SHANK2: variants seen among roughly 807,000 people sequenced by gnomAD.
SHANK2 encodes the protein SH3 and multiple ankyrin repeat domains 2, also known as SH3 and multiple ankyrin repeat domains protein 2.
Under a neutral mutation model 133.7 loss-of-function variants are expected in SHANK2, and 43 were observed. The ratio of observed to expected loss-of-function variants is 0.32; its 90% CI spans 0.25 to 0.41. The LOEUF (loss-of-function observed/expected upper bound fraction) is 0.41. Among genes scored for constraint, SHANK2 ranks in the 10% least tolerant of loss-of-function variants. SHANK2 has a pLI of 1.00. For missense variants in SHANK2, 1,994 were observed against 2,235.8 expected (o/e 0.89, Z 2.18); for synonymous variants, 1,017 against 952.8 (o/e 1.07, Z -1.24).
At chr11:70,665,292 C>G (rs557986997) in intron 15 of SHANK2, among the ~76,000 whole-genome samples, 1 of 152,144 alleles carries the variant, frequency 6.6e-6, no homozygotes, top group Non-Finnish European at 1.5e-5. Context: ...AGGCACACAC[C>G]ACCATGCCCA....
intron 10 of SHANK2, among the ~76,000 whole-genome samples, chr11:70,899,992 G>A (rs1427294845): frequency 1.3e-5 from 2 of 152,240 alleles, no homozygotes; most frequent in Non-Finnish European, 2.9e-5. Flanking sequence ...GGTTTGGTGT[G>A]TGGATTTATT....
intron 11 of SHANK2, among the ~76,000 whole-genome samples, chr11:70,888,835 A>G (rs1274927917): frequency 2.0e-5 from 2 of 101,130 alleles, no homozygotes; most frequent in Non-Finnish European, 3.7e-5. Flanking sequence ...AGAAAAAAAA[A>G]AGAGAGAAAG....
chr11:71,151,507 C>T (rs78177676), intron 2 of SHANK2, among the ~76,000 whole-genome samples: 1,759 of 152,288 alleles, frequency 0.012, 28 homozygotes, highest in African/African-American at 0.04. Flanking sequence ...CGTTTTTATT[C>T]TTCGTCCTCA....
chr11:71,126,477 T>C (rs1952190490), intron 3 of SHANK2, among the ~76,000 whole-genome samples: 1 of 152,210 alleles, frequency 6.6e-6, no homozygotes, highest in Admixed American at 6.5e-5. Context: ...GCATACACAA[T>C]ATCCATTTTG....
chr11:71,065,119 G>A (rs1486738267), intron 9 of SHANK2, among the ~76,000 whole-genome samples: 2 of 152,296 alleles, frequency 1.3e-5, no homozygotes, highest in East Asian at 1.9e-4. Flanking sequence ...GGGTGTGACT[G>A]GGTTTGAGCA....
chr11:70,691,185 C>G (rs1185179880), intron 15 of SHANK2, among the ~76,000 whole-genome samples: 1 of 152,002 alleles, frequency 6.6e-6, no homozygotes. Context: ...CTGGGGCAGC[C>G]GGACTGTGGG....
intron 10 of SHANK2, among the ~76,000 whole-genome samples, chr11:70,903,650 G>A (rs528487960): frequency 8.0e-4 from 122 of 152,254 alleles, no homozygotes; most frequent in African/African-American, 2.8e-3. Flanking sequence ...GGGGCTCGAG[G>A]TTGGTTCAGA....
chr11:71,149,619 G>C (rs548815002), intron 2 of SHANK2, among the ~76,000 whole-genome samples: 1 of 151,584 alleles, frequency 6.6e-6, no homozygotes, highest in South Asian at 2.1e-4. Flanking sequence ...GAGGGTAGTA[G>C]GAAAAGAAAT....
intron 2 of SHANK2, among the ~76,000 whole-genome samples, chr11:71,203,454 G>A (rs1465120411): frequency 6.6e-6 from 1 of 152,150 alleles, no homozygotes; most frequent in Non-Finnish European, 1.5e-5. Context: ...GGTTAACTCA[G>A]CAGGCCTGGG....
chr11:70,870,748 A>G (rs535834355), intron 11 of SHANK2, among the ~76,000 whole-genome samples: 1 of 152,342 alleles, frequency 6.6e-6, no homozygotes, highest in African/African-American at 2.4e-5. Flanking sequence ...CTCCGAGTGC[A>G]TGGCTGTGGC....
At chr11:70,654,820 T>G (rs1763006868) in intron 17 of SHANK2, among the ~76,000 whole-genome samples, 1 of 150,588 alleles carries the variant, frequency 6.6e-6, no homozygotes, top group Admixed American at 6.7e-5. Context: ...CAGGCTGGAG[T>G]GCAGTGGCGT....
At position 70,504,543 on chromosome 11, in the gene SHANK2, G is replaced by A. The variant is rs149651735; in HGVS notation, c.2062-1612C>T. Among the ~76,000 whole-genome samples the A allele has an allele frequency of 8.9e-4, 136 of 152,290 alleles. 1 individual carries two copies. The highest frequency in any genetic ancestry group is 3.5e-3 in the South Asian group (17 of 4,820). On this transcript the variant is annotated intron_variant, in intron 17 of 25. Transcript: ENST00000601538. ...CATTCCCATGTACTCAGACCCACCC[G>A]GTTTCAGCAGTGAGTATCCAGTGTC...
Position 70,486,466 on chromosome 11 carries a change from T to C in SHANK2, c.3827A>G (p.Gln1276Arg), listed in dbSNP as rs782653520. 6.2e-7 allele frequency: 1 copy of C among 1,614,144 alleles called. No homozygotes were observed. The highest frequency in any genetic ancestry group is 1.7e-5 in the Admixed American group (1 of 60,032). ...RQNTRGPLRR[Q>R]ETENKYETDL... ...GGTCTCGTACTTGTTCTCCGTCTCC[T>C]GCCGCCTCAGGGGTCCCCGGGTGTT... The change falls in exon 25 of 26, where the codon CAG (glutamine) becomes CGG (arginine). Residue 1276 changes from glutamine to arginine, a missense_variant. Gln to Arg is a conservative substitution (Grantham distance 43). This residue lies in a region of SHANK2 where 797 missense variants were observed against 907.4 expected (regional missense o/e 0.88). Coordinates refer to ENST00000601538, the MANE Select transcript of SHANK2 (RefSeq NM_012309.5). The surrounding 1 kb of genome is among the most constrained non-coding windows in gnomAD (Gnocchi z 8.0).
intron 17 of SHANK2, among the ~76,000 whole-genome samples, chr11:70,643,334 C>T (rs538024686): frequency 5.1e-4 from 77 of 152,158 alleles, no homozygotes; most frequent in African/African-American, 1.7e-3. Flanking sequence ...GAGGCCGAGG[C>T]GGGCGGATCA....
chr11:70,936,484 C>A (rs782004733), intron 10 of SHANK2, among the ~76,000 whole-genome samples: 1 of 152,070 alleles, frequency 6.6e-6, no homozygotes, highest in Admixed American at 6.5e-5. Flanking sequence ...TGTACTCCAG[C>A]CTGGGTGACA....
At chr11:70,947,148 C>T (rs1378298155) in intron 10 of SHANK2, among the ~76,000 whole-genome samples, 1 of 125,182 alleles carries the variant, frequency 8.0e-6, no homozygotes, top group Admixed American at 7.6e-5. Flanking sequence ...CACACACACA[C>T]ACACACACAC....
intron 11 of SHANK2, among the ~76,000 whole-genome samples, chr11:70,842,058 G>T (rs1243550504): frequency 6.6e-6 from 1 of 152,012 alleles, no homozygotes; most frequent in Non-Finnish European, 1.5e-5. Context: ...TACTCCACAC[G>T]CCCTGAAGCC....
At chr11:71,245,264 G>A (rs1049267799) in intron 1 of SHANK2, among the ~76,000 whole-genome samples, 3 of 152,096 alleles carry the variant, frequency 2.0e-5, no homozygotes, top group African/African-American at 7.2e-5. Context: ...ACAGGCCTGA[G>A]CCACCTCGAC....
At chr11:70,821,902 T>C (rs572117119) in intron 11 of SHANK2, among the ~76,000 whole-genome samples, 15 of 152,262 alleles carry the variant, frequency 9.9e-5, no homozygotes, top group South Asian at 6.2e-4. Flanking sequence ...TTATCTGGCA[T>C]CCTACAAAGC....
Sources: allele counts gnomAD v4.1 joint callset (sites outside exome capture counted in the v4.1 genomes callset), GRCh38; gene constraint gnomAD v4.1.1; regional missense constraint gnomAD v4.1.1; non-coding constraint Gnocchi (gnomAD v3.1); transcripts MANE v1.5; gene names NCBI Gene and HGNC (gene_info 2026-07-23, HGNC 2026-07-21).